Variants in SORCS2 observed in about 807,000 individuals in gnomAD.
SORCS2 encodes VPS10 domain-containing receptor SorCS2.
Under a neutral mutation model 141.6 loss-of-function variants are expected in SORCS2, and 100 were observed. The ratio of observed to expected loss-of-function variants is 0.71; its 90% CI spans 0.60 to 0.83. The LOEUF is 0.83. Ranked by LOEUF, SORCS2 falls within the 40% of genes least tolerant of loss-of-function variation. The pLI, the probability that SORCS2 is intolerant of heterozygous loss-of-function variation, is 0.00. For synonymous variants in SORCS2, 789 were observed against 676.9 expected (o/e 1.17, Z -2.57); for missense variants, 1,646 against 1,560.2 (o/e 1.05, Z -0.93).
intron 3 of SORCS2, among the ~76,000 whole-genome samples, chr4:7,617,661 G>C (rs1392402003): frequency 6.6e-6 from 1 of 152,188 alleles, no homozygotes; most frequent in Non-Finnish European, 1.5e-5. Flanking sequence ...TTGGCCTTTG[G>C]AGGGTGTATA....
intron 1 of SORCS2, among the ~76,000 whole-genome samples, chr4:7,330,278 C>T (rs909210769): frequency 3.9e-5 from 6 of 152,090 alleles, no homozygotes; most frequent in African/African-American, 1.4e-4. Flanking sequence ...AGCCCTTTGA[C>T]CACGTGAGGC....
intron 3 of SORCS2, among the ~76,000 whole-genome samples, chr4:7,582,101 G>C (rs550810665): frequency 6.6e-6 from 1 of 152,144 alleles, no homozygotes; most frequent in South Asian, 2.1e-4. Context: ...ACTTATTGGA[G>C]ACATATTATA....
chr4:7,494,586 C>CAGGGG (rs1253514657), intron 2 of SORCS2, among the ~76,000 whole-genome samples: 1 of 152,146 alleles, frequency 6.6e-6, no homozygotes, highest in Non-Finnish European at 1.5e-5. Context: ...AGGGCCCTAC[C>CAGGGG]CTCATGACCT....
chr4:7,460,416 C>T (rs1729224865), intron 2 of SORCS2, among the ~76,000 whole-genome samples: 1 of 152,248 alleles, frequency 6.6e-6, no homozygotes, highest in South Asian at 2.1e-4. Flanking sequence ...CAGACTCCCC[C>T]AGCTTCAGAA....
intron 3 of SORCS2, among the ~76,000 whole-genome samples, chr4:7,602,485 G>A (rs1170007188): frequency 7.3e-5 from 11 of 150,218 alleles, no homozygotes; most frequent in South Asian, 2.1e-4. Flanking sequence ...ACGGGGCGGC[G>A]GGGCAGAGGC....
chr4:7,452,989 TCCGTGTTGGGGTCAGGCG>T (rs773641761), intron 2 of SORCS2, among the ~76,000 whole-genome samples: 13,020 of 101,878 alleles, frequency 0.13, 985 homozygotes, highest in Admixed American at 0.21. Flanking sequence ...GGGGTCAGGC[TCCGTGTTGGGGTCAGGCG>T]CCGTGTTGGG....
chr4:7,555,404 C>T lies in SORCS2; in HGVS notation c.648+23775C>T, dbSNP rs1272966695. ...TACCCACCTGTGTGAGCCCATGTAG[C>T]CTGTGCAGGAGCACAAATGCCCTCC... On this transcript the variant is annotated intron_variant, in intron 3 of 26. Coordinates refer to ENST00000507866, the MANE Select transcript of SORCS2 (RefSeq NM_020777.3). Among the ~76,000 whole-genome samples the T allele has an allele frequency of 3.9e-5, 6 of 152,332 alleles. No individual in the cohort carries two copies. In the East Asian group the frequency reaches 1.2e-3, roughly 29 times the overall value.
At chr4:7,641,326 C>G (rs545191536) in intron 4 of SORCS2, among the ~76,000 whole-genome samples, 2 of 152,268 alleles carry the variant, frequency 1.3e-5, no homozygotes, top group Admixed American at 6.5e-5. Context: ...GCATCATCTT[C>G]ACAAGGCATC....
Position 7,502,785 on chromosome 4 carries a change from A to T in SORCS2, c.549-28745A>T, listed in dbSNP as rs1440429954. 3.8e-5 allele frequency among the ~76,000 whole-genome samples: 4 copies of T among 106,130 alleles called. No homozygotes were observed. In the Admixed American group the frequency reaches 4.4e-4, roughly 12 times the overall value. The allele number at this position is 106,130 out of a possible 152,430, so 69.6% of individuals were successfully genotyped here. ...TGTGCTCAGAGACCACTGTGCGGGG[A>T]GCAGGGAAGCCGGCCTTGCCCCCAC... is the stretch of plus-strand genomic sequence containing the variant. On this transcript the variant is annotated intron_variant, in intron 2 of 26. Transcript: ENST00000507866.
At chr4:7,507,456 G>A (rs1454229006) in intron 2 of SORCS2, among the ~76,000 whole-genome samples, 1 of 152,224 alleles carries the variant, frequency 6.6e-6, no homozygotes, top group Non-Finnish European at 1.5e-5. Flanking sequence ...TTACAGGCGT[G>A]AGCCACTGTG....
intron 2 of SORCS2, among the ~76,000 whole-genome samples, chr4:7,421,871 A>G (rs73084294): frequency 0.056 from 7,813 of 140,116 alleles, 679 homozygotes; most frequent in African/African-American, 0.19. Context: ...GAGGGAGTGC[A>G]GGGGCTGGGG....
At chr4:7,542,370 G>A (rs1386206502) in intron 3 of SORCS2, among the ~76,000 whole-genome samples, 6 of 152,096 alleles carry the variant, frequency 3.9e-5, no homozygotes, top group Non-Finnish European at 1.5e-5. Context: ...GGTAAAATGA[G>A]GTCATTTCCA....
intron 3 of SORCS2, among the ~76,000 whole-genome samples, chr4:7,582,477 A>G (rs1716222501): frequency 6.6e-6 from 1 of 152,180 alleles, no homozygotes; most frequent in Non-Finnish European, 1.5e-5. Flanking sequence ...GTGCGGCCGG[A>G]AAGGCGGCCG....
At chr4:7,370,577 A>G (rs1329903809) in intron 1 of SORCS2, among the ~76,000 whole-genome samples, 1 of 152,230 alleles carries the variant, frequency 6.6e-6, no homozygotes, top group Non-Finnish European at 1.5e-5. Flanking sequence ...ATTACACATC[A>G]ACACGCTCAA....
chr4:7,345,590 TAGACAAGTCCTAGGACCTCTCC>T (rs1489539589), intron 1 of SORCS2, among the ~76,000 whole-genome samples: 4 of 150,222 alleles, frequency 2.7e-5, no homozygotes, highest in African/African-American at 1.0e-4. Flanking sequence ...GACCTCTCCA[TAGACAAGTCCTAGGACCTCTCC>T]AAACCTCCGT....
intron 14 of SORCS2, among the ~76,000 whole-genome samples, chr4:7,707,352 A>G (rs993107956): frequency 6.6e-6 from 1 of 152,164 alleles, no homozygotes; most frequent in Non-Finnish European, 1.5e-5. Flanking sequence ...GGAGGATGGA[A>G]GCTGGACGTC....
intron 1 of SORCS2, among the ~76,000 whole-genome samples, chr4:7,362,087 T>C (rs1020270812): frequency 6.6e-6 from 1 of 152,114 alleles, no homozygotes; most frequent in African/African-American, 2.4e-5. Flanking sequence ...GGCTCTGTGA[T>C]CTTGGTCCAG....
chr4:7,697,716 C>T (rs1477948092), intron 12 of SORCS2, among the ~76,000 whole-genome samples: 6 of 148,844 alleles, frequency 4.0e-5, no homozygotes, highest in Admixed American at 2.7e-4. Context: ...CGGGGGACTC[C>T]GGGTTCCTGG....
rs1013391628 is a variant in SORCS2, at chr4:7,664,603, G to C, written c.1071+132G>C. 1 of 659,822 alleles carries C rather than the reference G, an allele frequency of 1.5e-6. No homozygotes were observed. The highest frequency in any genetic ancestry group is 1.8e-5 in the African/African-American group (1 of 54,512). The allele number at this position is 659,822 out of a possible 1,614,324, so 40.9% of individuals were successfully genotyped here. On this transcript the variant is annotated intron_variant, in intron 7 of 26. Transcript: ENST00000507866. This position sits in a 1 kb window ranked among gnomAD's most constrained non-coding sequence, Gnocchi z 4.7. ...TTTCACTCTCAAATGCTACTTCGCAGGTCACGGTTTCTGACCGTGGCTGTG... is the reference window on the plus strand; with the variant it reads ...TTTCACTCTCAAATGCTACTTCGCACGTCACGGTTTCTGACCGTGGCTGTG...
Sources: allele counts gnomAD v4.1 joint callset (sites outside exome capture counted in the v4.1 genomes callset), GRCh38; gene constraint gnomAD v4.1.1; non-coding constraint Gnocchi (gnomAD v3.1); transcripts MANE v1.5; gene names NCBI Gene and HGNC (gene_info 2026-07-23, HGNC 2026-07-21).